PKIG: variants seen among roughly 807,000 people sequenced by gnomAD.
PKIG encodes the protein protein kinase (cAMP-dependent, catalytic) inhibitor gamma.
PKIG carries 1 observed loss-of-function variant against 6.8 expected under a neutral mutation model. The observed-to-expected ratio is 0.15, with a 90% CI of 0.05 to 0.69. PKIG has a LOEUF of 0.69. Among genes scored for constraint, PKIG ranks in the 30% least tolerant of loss-of-function variants. The pLI, the probability that PKIG is intolerant of heterozygous loss-of-function variation, is 0.82. For missense variants in PKIG, 77 were observed against 104.0 expected (o/e 0.74, Z 1.13); for synonymous variants, 39 against 43.0 (o/e 0.91, Z 0.36).
At chr20:44,554,588 G>A (rs989192337) in intron 1 of PKIG, among the ~76,000 whole-genome samples, 2 of 152,230 alleles carry the variant, frequency 1.3e-5, no homozygotes, top group African/African-American at 2.4e-5. Context: ...GTGAGGGGGT[G>A]GCAAGTACCA....
chr20:44,598,446 A>G lies in PKIG; in HGVS notation c.-24+8580A>G, dbSNP rs555889242. ...TTTCAGAACCACCACAGAGATACCC[A>G]GTTTCCCCCTTCATTCCACACTTGA... On this transcript the variant is annotated intron_variant, in intron 2 of 3. Coordinates refer to ENST00000372886, the MANE Select transcript of PKIG (RefSeq NM_001281445.2). Among the ~76,000 whole-genome samples, 7 of 152,252 alleles carry G rather than the reference A, an allele frequency of 4.6e-5. No homozygotes were observed. In the East Asian group the frequency reaches 1.4e-3, roughly 29 times the overall value.
chr20:44,577,222 G>C (rs2064906461), intron 1 of PKIG, among the ~76,000 whole-genome samples: 1 of 152,138 alleles, frequency 6.6e-6, no homozygotes, highest in Middle Eastern at 3.4e-3. Context: ...CAATTCTCCT[G>C]CCTCAGCCTC....
chr20:44,577,669 C>T (rs918567844), upstream of PKIG, among the ~76,000 whole-genome samples: 2 of 152,280 alleles, frequency 1.3e-5, no homozygotes, highest in Non-Finnish European at 2.9e-5. Context: ...CTTCTAACTG[C>T]ATGGCACAGT....
intron 1 of PKIG, among the ~76,000 whole-genome samples, chr20:44,553,674 A>G (rs2064688296): frequency 6.6e-6 from 1 of 152,202 alleles, no homozygotes; most frequent in African/African-American, 2.4e-5. Flanking sequence ...TAATAAAAAC[A>G]TAGTGCCTGC....
chr20:44,600,473 T>TG (rs1348615205), intron 2 of PKIG, among the ~76,000 whole-genome samples: 1 of 152,116 alleles, frequency 6.6e-6, no homozygotes, highest in Non-Finnish European at 1.5e-5. Flanking sequence ...CTCAGAGTCC[T>TG]GGTGAGACAT....
At chr20:44,550,852 C>T (rs1053593265) in intron 1 of PKIG, among the ~76,000 whole-genome samples, 4 of 152,084 alleles carry the variant, frequency 2.6e-5, no homozygotes, top group African/African-American at 9.7e-5. Context: ...CCAGATTTCC[C>T]CTCTAGCTTT....
rs1444061593 is a variant in PKIG at position 44,550,977 on chromosome 20, TG to T, written c.-241+19000del. Among the ~76,000 whole-genome samples, 11 of 152,236 alleles carry T rather than the reference TG, an allele frequency of 7.2e-5. 1 individual carries two copies. Among genetic ancestry groups the T allele is most frequent in the African/African-American group, 2.7e-4 (11 of 41,460 alleles). On this transcript the variant is annotated intron_variant, in intron 1 of 4. Coordinates refer to the PKIG transcript ENST00000372887. ...TTTTGCTGCATATAGTTTATCTGCA[TG>T]TGTGTATTTCAATTTTTTGCTGAAC...
chr20:44,564,530 A>C (rs2064794381), intron 1 of PKIG, among the ~76,000 whole-genome samples: 1 of 151,744 alleles, frequency 6.6e-6, no homozygotes, highest in Non-Finnish European at 1.5e-5. Context: ...AGCTCTCTCT[A>C]AATTGTGATA....
At chr20:44,588,070 G>A (rs949057730) in intron 1 of PKIG, among the ~76,000 whole-genome samples, 4 of 152,328 alleles carry the variant, frequency 2.6e-5, no homozygotes, top group Admixed American at 2.0e-4. Context: ...GCCCCAAGAT[G>A]GGGACAGAGT....
intron 1 of PKIG, among the ~76,000 whole-genome samples, chr20:44,560,120 C>G (rs2064754035): frequency 6.6e-6 from 1 of 151,454 alleles, no homozygotes. Context: ...CATGGTGTTG[C>G]ACACCTGTAG....
intron 1 of PKIG, among the ~76,000 whole-genome samples, chr20:44,584,369 C>T (rs980197955): frequency 2.6e-5 from 4 of 151,682 alleles, no homozygotes; most frequent in African/African-American, 9.7e-5. Flanking sequence ...ATCCTAGTTC[C>T]TCATTTGGCA....
chr20:44,548,572 A>G (rs1196452319), intron 1 of PKIG, among the ~76,000 whole-genome samples: 1 of 152,104 alleles, frequency 6.6e-6, no homozygotes, highest in African/African-American at 2.4e-5. Flanking sequence ...CCTAAGGAAA[A>G]CTATTTGCTG....
In PKIG at chr20:44,557,136, G is replaced by A. The variant is rs570319104; in HGVS notation, c.-241+25158G>A. ...TAGAGTAATCTATACTTAATGAGAG[G>A]GACTTGTACTTTTCATTTCTTTGTA... On this transcript the variant is annotated intron_variant, in intron 1 of 4. Transcript: ENST00000372887. Among the ~76,000 whole-genome samples the A allele has an allele frequency of 2.0e-5, 3 of 152,138 alleles. 1 individual carries two copies. Among genetic ancestry groups the A allele is most frequent in the African/African-American group, 7.2e-5 (3 of 41,514 alleles).
upstream of PKIG, among the ~76,000 whole-genome samples, chr20:44,579,046 A>G (rs1316501799): frequency 6.6e-6 from 1 of 152,230 alleles, no homozygotes; most frequent in Non-Finnish European, 1.5e-5. Context: ...ATTACCTGGC[A>G]TATGGTAAAT....
chr20:44,540,914 G>A (rs1255206451), intron 1 of PKIG, among the ~76,000 whole-genome samples: 1 of 152,170 alleles, frequency 6.6e-6, no homozygotes, highest in Non-Finnish European at 1.5e-5. Flanking sequence ...GGTTATACTT[G>A]AGGTAGAGTA....
chr20:44,594,668 C>G (rs2065060850), intron 2 of PKIG, among the ~76,000 whole-genome samples: 1 of 152,192 alleles, frequency 6.6e-6, no homozygotes, highest in Admixed American at 6.5e-5. Flanking sequence ...CCCCCATTCC[C>G]ACCCCTCACC....
At chr20:44,605,406 CAAA>C (rs34277645) in intron 2 of PKIG, among the ~76,000 whole-genome samples, 3 of 37,326 alleles carry the variant, frequency 8.0e-5, no homozygotes, top group Admixed American at 2.9e-4. Flanking sequence ...GACTCCGTCT[CAAA>C]AAAAAAAAAA....
chr20:44,610,498 T>TCACA (rs1379954369), intron 2 of PKIG, among the ~76,000 whole-genome samples: 11 of 119,640 alleles, frequency 9.2e-5, no homozygotes, highest in African/African-American at 3.4e-4. Context: ...TCTCTCTCTC[T>TCACA]CTCACACACA....
intron 2 of PKIG, among the ~76,000 whole-genome samples, chr20:44,613,927 CTCTT>C (rs2065241199): frequency 6.6e-6 from 1 of 152,230 alleles, no homozygotes; most frequent in Non-Finnish European, 1.5e-5. Flanking sequence ...CGCCTGCTGG[CTCTT>C]TCTGTCCTTC....
Sources: gnomAD v4.1 joint callset for allele counts (sites outside exome capture counted in the v4.1 genomes callset) on GRCh38, gnomAD v4.1.1 for gene constraint, MANE v1.5 for transcripts, NCBI Gene and HGNC (gene_info 2026-07-23, HGNC 2026-07-21) for gene names.